FOXP1: variants seen among roughly 807,000 people sequenced by gnomAD.
The protein encoded by FOXP1 is forkhead box P1.
Under a neutral mutation model 98.2 loss-of-function variants are expected in FOXP1, and 15 were observed. That is an observed-to-expected ratio of 0.15 (90% CI 0.10 to 0.24). The LOEUF (loss-of-function observed/expected upper bound fraction) is 0.24, where lower values mean the gene tolerates loss of function less well. Ranked by LOEUF, FOXP1 falls within the 10% of genes least tolerant of loss-of-function variation. The pLI is 1.00. For synonymous variants in FOXP1, 371 were observed against 314.5 expected (o/e 1.18, Z -1.90); for missense variants, 633 against 848.5 (o/e 0.75, Z 3.15).
intron 11 of FOXP1, among the ~76,000 whole-genome samples, chr3:71,032,215 T>C (rs1043971560): frequency 5.3e-5 from 8 of 152,262 alleles, no homozygotes; most frequent in Non-Finnish European, 1.2e-4. Flanking sequence ...GTAAAACTCT[T>C]GGCGACATGT....
rs1351482376 is a variant in FOXP1, at chr3:70,957,265, C to T, written c.*1982G>A. ...TCTTTAAGAGAATGAGTTTTGGTCT[C>T]TGTAGAGGTACACAAAAAGAAAAAG... On this transcript the variant is annotated 3_prime_UTR_variant, in exon 21 of 21. Transcript: ENST00000649528. 9 of 225,782 alleles carry T rather than the reference C, an allele frequency of 4.0e-5. No homozygotes were observed. The highest frequency in any genetic ancestry group is 7.9e-5 in the Non-Finnish European group (9 of 113,468). The allele number at this position is 225,782 out of a possible 1,614,324, so 14.0% of individuals were successfully genotyped here. A position where few individuals can be genotyped will look rare whatever the true frequency, so the allele number is the denominator to read the frequency against.
intron 5 of FOXP1, among the ~76,000 whole-genome samples, chr3:71,224,399 G>C (rs1382366077): frequency 2.0e-5 from 3 of 152,204 alleles, no homozygotes; most frequent in Non-Finnish European, 2.9e-5. Flanking sequence ...GAAGGGATAA[G>C]GGAGGGAGAG....
At chr3:70,995,352 C>G (rs1185181386) in intron 13 of FOXP1, among the ~76,000 whole-genome samples, 1 of 152,146 alleles carries the variant, frequency 6.6e-6, no homozygotes, top group Non-Finnish European at 1.5e-5. Flanking sequence ...GTCCCTCTGT[C>G]ATGGTGGGGG....
intron 5 of FOXP1, among the ~76,000 whole-genome samples, chr3:71,220,794 T>G (rs1397965754): frequency 3.1e-5 from 3 of 97,792 alleles, no homozygotes; most frequent in Admixed American, 2.9e-4. Context: ...AAATAAAAGA[T>G]TATGAGGAGA....
intron 2 of FOXP1, among the ~76,000 whole-genome samples, chr3:71,497,207 G>A (rs62247035): frequency 0.28 from 42,483 of 151,746 alleles, 6,321 homozygotes; most frequent in Non-Finnish European, 0.33. Flanking sequence ...ACCCGCCTAC[G>A]TAGAATTGTA....
In FOXP1 at chr3:71,132,031, C is replaced by G. The variant is rs2107930173; in HGVS notation, c.181-19394G>C. Among the ~76,000 whole-genome samples the G allele has an allele frequency of 2.6e-5, 4 of 152,244 alleles. No homozygotes were observed. In the Middle Eastern group the frequency reaches 0.014, roughly 518 times the overall value. On this transcript the variant is annotated intron_variant, in intron 6 of 20. Transcript: ENST00000649528. ...TAACTCAGCTGGTCCAGTTAGAGACCAGGAAATGATTTCCTAGCAATCCCT... is the reference window on the plus strand; with the variant it reads ...TAACTCAGCTGGTCCAGTTAGAGACGAGGAAATGATTTCCTAGCAATCCCT...
chr3:71,301,688 C>T (rs2073858752), intron 4 of FOXP1, among the ~76,000 whole-genome samples: 1 of 152,172 alleles, frequency 6.6e-6, no homozygotes, highest in Admixed American at 6.5e-5. Flanking sequence ...ATAGGCCTGG[C>T]AAACAACTGG....
intron 4 of FOXP1, among the ~76,000 whole-genome samples, chr3:71,312,133 G>A (rs2074732027): frequency 6.6e-6 from 1 of 152,202 alleles, no homozygotes; most frequent in African/African-American, 2.4e-5. Flanking sequence ...TAAAGGTGAA[G>A]GGACACTTAA....
At chr3:71,431,693 C>T (rs2084736191) in intron 3 of FOXP1, among the ~76,000 whole-genome samples, 1 of 152,224 alleles carries the variant, frequency 6.6e-6, no homozygotes, top group South Asian at 2.1e-4. Flanking sequence ...AACTTCAGAA[C>T]TCCTACCTGC....
intron 6 of FOXP1, among the ~76,000 whole-genome samples, chr3:71,188,374 G>C (rs1576290485): frequency 6.6e-6 from 1 of 151,942 alleles, no homozygotes; most frequent in Non-Finnish European, 1.5e-5. Flanking sequence ...CACGAATGTA[G>C]GATCAGTGGA....
intron 2 of FOXP1, among the ~76,000 whole-genome samples, chr3:71,563,184 T>A (rs1290227648): frequency 1.3e-5 from 2 of 152,104 alleles, no homozygotes; most frequent in Non-Finnish European, 2.9e-5. Flanking sequence ...CCTGGCTCAG[T>A]GGAGCCCTAG....
At chr3:71,430,667 C>G (rs2108382425) in intron 3 of FOXP1, among the ~76,000 whole-genome samples, 1 of 152,302 alleles carries the variant, frequency 6.6e-6, no homozygotes, top group South Asian at 2.1e-4. Context: ...GTCTTCTATA[C>G]TTCAAGCTCC....
chr3:71,483,536 A>C (rs1333735531), intron 3 of FOXP1, among the ~76,000 whole-genome samples: 2 of 152,176 alleles, frequency 1.3e-5, no homozygotes, highest in Non-Finnish European at 2.9e-5. Flanking sequence ...GGGAAAATGA[A>C]AATCCTACTA....
intron 3 of FOXP1, among the ~76,000 whole-genome samples, chr3:71,472,279 G>T (rs980971776): frequency 6.6e-6 from 1 of 151,934 alleles, no homozygotes; most frequent in African/African-American, 2.4e-5. Flanking sequence ...TTCTTGGTAA[G>T]GAATAAAGAT....
chr3:71,494,513 C>G (rs1230357114), intron 2 of FOXP1, among the ~76,000 whole-genome samples: 1 of 152,176 alleles, frequency 6.6e-6, no homozygotes, highest in Non-Finnish European at 1.5e-5. Context: ...GTACCTAACC[C>G]TATTGAGCCA....
intron 3 of FOXP1, among the ~76,000 whole-genome samples, chr3:71,436,292 C>T (rs564963852): frequency 9.9e-5 from 15 of 152,176 alleles, no homozygotes; most frequent in South Asian, 6.2e-4. Context: ...CACATTACTA[C>T]GCTAAAACCT....
chr3:71,208,968 T>A (rs1364055419), intron 5 of FOXP1, among the ~76,000 whole-genome samples: 1 of 152,144 alleles, frequency 6.6e-6, no homozygotes, highest in Non-Finnish European at 1.5e-5. Context: ...AGACCAAGCC[T>A]GCTTGTTTGC....
At chr3:71,543,666 C>G (rs901784078) in intron 2 of FOXP1, 4 of 152,406 alleles carry the variant, frequency 2.6e-5, no homozygotes, top group Middle Eastern at 3.4e-3. Flanking sequence ...AAAGCTTGAG[C>G]TGACATCCCC....
intron 10 of FOXP1, 27 bp downstream of exon 10, chr3:71,046,915 T>C (rs1426015628): frequency 4.3e-6 from 7 of 1,613,214 alleles, no homozygotes; most frequent in African/African-American, 1.3e-5. Context: ...TTCACAGAGC[T>C]ATGCCTTCTG....
Sources: allele counts gnomAD v4.1 joint callset (sites outside exome capture counted in the v4.1 genomes callset), GRCh38; gene constraint gnomAD v4.1.1; transcripts MANE v1.5; gene names NCBI Gene and HGNC (gene_info 2026-07-23, HGNC 2026-07-21).